The following KMT5B variants were observed in gnomAD, a reference collection of about 807,000 sequenced individuals.
KMT5B encodes lysine methyltransferase 5B.
A neutral mutation model predicts 83.2 loss-of-function variants in KMT5B; 10 were observed. That is an observed-to-expected ratio of 0.12 (90% CI 0.07 to 0.20). The LOEUF is 0.20. Among genes scored for constraint, KMT5B ranks in the 10% least tolerant of loss-of-function variants. The probability of loss-of-function intolerance (pLI) is 1.00; values close to 1 mark genes in which losing one functional copy is unlikely to be tolerated. For missense variants in KMT5B, 753 were observed against 1,067.2 expected (o/e 0.71, Z 4.10); for synonymous variants, 349 against 388.8 (o/e 0.90, Z 1.20).
intron 3 of KMT5B, among the ~76,000 whole-genome samples, chr11:68,183,343 G>C (rs1418210228): frequency 6.6e-6 from 1 of 151,978 alleles, no homozygotes; most frequent in African/African-American, 2.4e-5. Flanking sequence ...AAAGAAAATG[G>C]ACTTAAAATA....
chr11:68,167,964 G>C (rs189106467), intron 9 of KMT5B, among the ~76,000 whole-genome samples: 1 of 152,196 alleles, frequency 6.6e-6, no homozygotes, highest in East Asian at 1.9e-4. Flanking sequence ...GAGGTCAAGA[G>C]ATAAAGAGAC....
intron 9 of KMT5B, among the ~76,000 whole-genome samples, chr11:68,167,963 A>C (rs543809049): frequency 6.6e-6 from 1 of 152,228 alleles, no homozygotes; most frequent in South Asian, 2.1e-4. Flanking sequence ...CGAGGTCAAG[A>C]GATAAAGAGA....
intron 9 of KMT5B, among the ~76,000 whole-genome samples, chr11:68,168,169 T>C (rs1855500043): frequency 1.3e-5 from 2 of 152,192 alleles, no homozygotes; most frequent in Non-Finnish European, 1.5e-5. Context: ...AAAAAAATTT[T>C]ACTTTTTGCC....
intron 3 of KMT5B, among the ~76,000 whole-genome samples, chr11:68,182,347 C>G (rs931774292): frequency 1.3e-5 from 2 of 152,208 alleles, no homozygotes; most frequent in African/African-American, 4.8e-5. Flanking sequence ...TCTCAGGCCC[C>G]ACCCCAAAGC....
chr11:68,209,939 T>G (rs1261326847), intron 1 of KMT5B, among the ~76,000 whole-genome samples: 2 of 151,630 alleles, frequency 1.3e-5, no homozygotes, highest in Admixed American at 1.3e-4. Flanking sequence ...CCATCTCTGC[T>G]CACTGCAACC....
At chr11:68,203,706 G>C (rs1026040070) in intron 1 of KMT5B, among the ~76,000 whole-genome samples, 1 of 152,158 alleles carries the variant, frequency 6.6e-6, no homozygotes, top group Non-Finnish European at 1.5e-5. Flanking sequence ...TATAAACATT[G>C]TTGTCTCACC....
At chr11:68,186,102 A>C (rs147344927) in intron 2 of KMT5B, among the ~76,000 whole-genome samples, 174 bp from the exon 3 acceptor site, 1 of 152,332 alleles carries the variant, frequency 6.6e-6, no homozygotes, top group African/African-American at 2.4e-5. Flanking sequence ...AATGCAGTAA[A>C]CTATCTCCAT....
At chr11:68,196,751 C>T (rs1858762239) in intron 1 of KMT5B, among the ~76,000 whole-genome samples, 1 of 151,818 alleles carries the variant, frequency 6.6e-6, no homozygotes, top group African/African-American at 2.4e-5. Context: ...GTCCTTGACC[C>T]TCCAGAGAAA....
chr11:68,158,014 T>G lies in KMT5B; in HGVS notation c.2332A>C (p.Lys778Gln), dbSNP rs1859425558. The G allele has an allele frequency of 6.2e-7, 1 of 1,614,074 alleles. No individual in the cohort carries two copies. The highest frequency in any genetic ancestry group is 1.7e-5 in the Admixed American group (1 of 60,008). Reference sequence around the variant, plus strand: ...TCCTCATCTCGTTTTAGCTGGATTTTTAATTTTGTAGAACTACTGCCTGAT... The same window carrying G: ...TCCTCATCTCGTTTTAGCTGGATTTGTAATTTTGTAGAACTACTGCCTGAT... ...SGSGSSSTKLKIQLKRDEENR... is the reference protein window; with the variant it reads ...SGSGSSSTKLQIQLKRDEENR... The change falls in exon 11 of 11, where the codon AAA becomes CAA. Residue 778 changes from lysine to glutamine, a missense_variant. Lys to Gln is a moderately conservative substitution (Grantham distance 53, BLOSUM62 1). Transcript: ENST00000304363.
intron 1 of KMT5B, among the ~76,000 whole-genome samples, chr11:68,206,500 C>T (rs1860130713): frequency 6.6e-6 from 1 of 152,224 alleles, no homozygotes; most frequent in African/African-American, 2.4e-5. Flanking sequence ...CAGAGGCAGC[C>T]CGCACAGGGA....
At chr11:68,181,227 A>C (rs992605728) in intron 3 of KMT5B, among the ~76,000 whole-genome samples, 1 of 151,966 alleles carries the variant, frequency 6.6e-6, no homozygotes, top group Non-Finnish European at 1.5e-5. Context: ...GGCACGCACC[A>C]CCATGCCTGG....
intron 5 of KMT5B, chr11:68,174,234 A>G (rs1856128090): frequency 2.4e-6 from 1 of 414,060 alleles, no homozygotes; most frequent in Non-Finnish European, 4.7e-6. Context: ...AAAATAAACA[A>G]AAAAAGTAAG....
intron 10 of KMT5B, chr11:68,165,928 T>G (rs767893389): frequency 6.2e-7 from 1 of 1,612,886 alleles, no homozygotes; most frequent in Non-Finnish European, 8.5e-7. Context: ...GGGAAACACC[T>G]TCCCTTTTCT....
chr11:68,199,020 C>T (rs1044909263), intron 1 of KMT5B, among the ~76,000 whole-genome samples: 12 of 152,308 alleles, frequency 7.9e-5, no homozygotes, highest in East Asian at 3.9e-4. Flanking sequence ...TGAGCCACCA[C>T]GCCCGGCCAT....
intron 1 of KMT5B, among the ~76,000 whole-genome samples, chr11:68,210,414 T>G: frequency 6.6e-6 from 1 of 152,176 alleles, no homozygotes; most frequent in East Asian, 1.9e-4. Flanking sequence ...TAGGAGAAAA[T>G]AGGATGGCAG....
At position 68,188,002 on chromosome 11, in the gene KMT5B, A is replaced by G. The variant is rs1436861314; in HGVS notation, c.160+1915T>C. ...TATCTATGCTTGGTAAAGTGTAACC[A>G]AAGTAATGGCCATTTTCCTTTTTCT... On this transcript the variant is annotated intron_variant, in intron 2 of 10. Transcript: ENST00000304363. Among the ~76,000 whole-genome samples the G allele has an allele frequency of 2.6e-5, 4 of 151,762 alleles. No individual in the cohort carries two copies. In the East Asian group the frequency reaches 7.7e-4, roughly 29 times the overall value.
At chr11:68,210,253 G>T (rs983018987) in intron 1 of KMT5B, among the ~76,000 whole-genome samples, 2 of 151,962 alleles carry the variant, frequency 1.3e-5, no homozygotes, top group East Asian at 3.9e-4. Context: ...CTTTGGGGGG[G>T]GGGACACTGA....
At chr11:68,199,954 C>T (rs1859225668) in intron 1 of KMT5B, among the ~76,000 whole-genome samples, 2 of 152,152 alleles carry the variant, frequency 1.3e-5, no homozygotes, top group Non-Finnish European at 2.9e-5. Context: ...GATTGGCTTC[C>T]GCAAGGACTG....
intron 9 of KMT5B, among the ~76,000 whole-genome samples, chr11:68,170,387 C>T (rs566855354): frequency 3.4e-4 from 52 of 152,104 alleles, no homozygotes; most frequent in Non-Finnish European, 6.8e-4. Flanking sequence ...TCTGTACTGC[C>T]TTTGAGGGGA....
Sources: allele counts gnomAD v4.1 joint callset (sites outside exome capture counted in the v4.1 genomes callset), GRCh38; gene constraint gnomAD v4.1.1; transcripts MANE v1.5; gene names NCBI Gene and HGNC (gene_info 2026-07-23, HGNC 2026-07-21).